PCDH7: variants seen among roughly 807,000 people sequenced by gnomAD.
PCDH7 encodes protocadherin-7.
Under a neutral mutation model 58.9 loss-of-function variants are expected in PCDH7, and 17 were observed. The observed-to-expected ratio is 0.29, with a 90% CI of 0.20 to 0.43. The LOEUF (loss-of-function observed/expected upper bound fraction) is 0.43, where lower values mean the gene tolerates loss of function less well. Ranked by LOEUF, PCDH7 falls within the 20% of genes least tolerant of loss-of-function variation. PCDH7 has a pLI of 1.00. For missense variants in PCDH7, 1,274 were observed against 1,441.0 expected (o/e 0.88, Z 1.88); for synonymous variants, 664 against 616.4 (o/e 1.08, Z -1.14).
At chr4:31,045,297 G>A (rs964534114) in intron 3 of PCDH7, among the ~76,000 whole-genome samples, 2 of 151,480 alleles carry the variant, frequency 1.3e-5, no homozygotes, top group African/African-American at 4.9e-5. Context: ...TTTTCCCTAG[G>A]GATTTGTATT....
At chr4:31,020,699 C>A (rs1753955596) in intron 3 of PCDH7, among the ~76,000 whole-genome samples, 1 of 152,234 alleles carries the variant, frequency 6.6e-6, no homozygotes, top group Non-Finnish European at 1.5e-5. Context: ...AGCCATAACA[C>A]CCCAGCAATC....
chr4:31,113,143 T>C (rs931099841), intron 3 of PCDH7, among the ~76,000 whole-genome samples: 1 of 152,168 alleles, frequency 6.6e-6, no homozygotes, highest in Non-Finnish European at 1.5e-5. Context: ...TATTGGAAAA[T>C]TTTTGAGTTG....
intron 3 of PCDH7, among the ~76,000 whole-genome samples, chr4:30,960,165 G>GGGAGGGAGGGAGGGAGGGAGGGAA: frequency 6.9e-6 from 1 of 144,668 alleles, no homozygotes; most frequent in African/African-American, 2.6e-5. Flanking sequence ...GAGGGAGGGA[G>GGGAGGGAGGGAGGGAGGGAGGGAA]GGAGGGAGGA....
intron 3 of PCDH7, among the ~76,000 whole-genome samples, chr4:31,083,900 G>C (rs140792394): frequency 2.7e-4 from 41 of 152,278 alleles, no homozygotes; most frequent in African/African-American, 9.9e-4. Flanking sequence ...AATAGGAAAT[G>C]CTTAATATCA....
chr4:31,141,475 A>T (rs373568099), intron 3 of PCDH7, among the ~76,000 whole-genome samples: 10 of 152,218 alleles, frequency 6.6e-5, no homozygotes, highest in Admixed American at 6.5e-5. Context: ...TCTCTCTCCC[A>T]TTCTCTCTTT....
chr4:31,019,427 G>T (rs28451878), intron 3 of PCDH7, among the ~76,000 whole-genome samples: 2 of 151,964 alleles, frequency 1.3e-5, no homozygotes, highest in African/African-American at 4.8e-5. Flanking sequence ...TTCCTGGCCA[G>T]GCATGGTGGC....
At position 30,721,599 on chromosome 4, in the gene PCDH7, C is replaced by A. The variant is rs374560561; in HGVS notation, c.177C>A (p.Thr59=). 4 of 1,611,442 alleles carry A rather than the reference C, an allele frequency of 2.5e-6. No homozygotes were observed. The highest frequency in any genetic ancestry group is 1.7e-5 in the Admixed American group (1 of 60,020). ...TGGCTTCAGACCTGGGCATCGTGAC[C>A]GGATCGGGTGAGGTGACTTTCAGCC... Residue 59 remains threonine, a synonymous_variant, in exon 1 of 2, where the codon ACC becomes ACA. Transcript: ENST00000361762. This position sits in a 1 kb window ranked among gnomAD's most constrained non-coding sequence, Gnocchi z 6.7.
Position 30,920,073 on chromosome 4 carries a change from T to C in PCDH7, c.71-80T>C, listed in dbSNP as rs997324172. ...AATTAGTTGCCAGTAGACCTTAATG[T>C]ATGTAATTTATGTATTTTTTAAAAT... On this transcript the variant is annotated intron_variant, in intron 1 of 3. Transcript: ENST00000509759. The C allele has an allele frequency of 1.5e-5, 16 of 1,047,046 alleles. No individual in the cohort carries two copies. The African/African-American group carries it at 2.7e-4, about 17-fold the overall frequency. The allele number at this position is 1,047,046 out of a possible 1,614,324, so 64.9% of individuals were successfully genotyped here.
downstream of PCDH7, among the ~76,000 whole-genome samples, chr4:30,736,882 A>G (rs1211621293): frequency 6.6e-6 from 1 of 152,160 alleles, no homozygotes; most frequent in Non-Finnish European, 1.5e-5. Flanking sequence ...ATTCTCAGAA[A>G]ATCAGTTCTA....
chr4:30,725,048 C>A, intron 1 of PCDH7: 1 of 1,004,442 alleles, frequency 1.0e-6, no homozygotes, highest in Non-Finnish European at 1.2e-6. Context: ...GAAGTTTTAG[C>A]TATGTTATTT....
intron 3 of PCDH7, among the ~76,000 whole-genome samples, chr4:31,047,235 T>C (rs1756360048): frequency 1.3e-5 from 2 of 152,112 alleles, no homozygotes; most frequent in African/African-American, 4.8e-5. Flanking sequence ...AATAACTTCA[T>C]GTGGATTTCT....
chr4:31,088,594 A>T (rs1378235143), intron 3 of PCDH7, among the ~76,000 whole-genome samples: 1 of 152,106 alleles, frequency 6.6e-6, no homozygotes, highest in Non-Finnish European at 1.5e-5. Context: ...CTGGTAAAAC[A>T]TACATAAGTC....
At chr4:30,874,448 G>A (rs944101104) in intron 1 of PCDH7, among the ~76,000 whole-genome samples, 2 of 149,626 alleles carry the variant, frequency 1.3e-5, no homozygotes, top group Admixed American at 1.3e-4. Context: ...GGACAAAAAA[G>A]CAAACACTGC....
intron 1 of PCDH7, among the ~76,000 whole-genome samples, chr4:30,824,529 T>C (rs1728862978): frequency 1.3e-5 from 2 of 152,078 alleles, no homozygotes; most frequent in Non-Finnish European, 2.9e-5. Context: ...TTGATAGAGA[T>C]ATATCCCAAG....
At chr4:30,924,519 C>T (rs1474800827) in intron 2 of PCDH7, among the ~76,000 whole-genome samples, 1 of 152,126 alleles carries the variant, frequency 6.6e-6, no homozygotes, top group East Asian at 1.9e-4. Context: ...TGAACCCACA[C>T]AGCAAGTGCA....
At chr4:30,817,545 G>A (rs1276442947) in intron 1 of PCDH7, among the ~76,000 whole-genome samples, 1 of 152,132 alleles carries the variant, frequency 6.6e-6, no homozygotes, top group Non-Finnish European at 1.5e-5. Context: ...ATGAGATAAA[G>A]TAAATGGAAC....
chr4:31,060,400 G>T (rs34623229), intron 3 of PCDH7, among the ~76,000 whole-genome samples: 19,857 of 151,648 alleles, frequency 0.13, 1,569 homozygotes, highest in East Asian at 0.32. Context: ...CCTGTATCCA[G>T]CTAGGTTCTT....
intron 3 of PCDH7, among the ~76,000 whole-genome samples, chr4:31,078,450 CT>C (rs900219498): frequency 5.3e-5 from 8 of 150,654 alleles, no homozygotes; most frequent in East Asian, 2.0e-4. Flanking sequence ...GCTTGGCTAA[CT>C]TTTTTTTTCT....
At chr4:30,976,518 A>G (rs889780584) in intron 3 of PCDH7, among the ~76,000 whole-genome samples, 1 of 146,826 alleles carries the variant, frequency 6.8e-6, no homozygotes, top group African/African-American at 2.6e-5. Flanking sequence ...CTCCTGCCTC[A>G]GCCTCCCAAG....
Sources: gnomAD v4.1 joint callset for allele counts (sites outside exome capture counted in the v4.1 genomes callset) on GRCh38, gnomAD v4.1.1 for gene constraint, Gnocchi (gnomAD v3.1) non-coding constraint, MANE v1.5 for transcripts, NCBI Gene and HGNC (gene_info 2026-07-23, HGNC 2026-07-21) for gene names.